The following ASAP1 variants were observed in gnomAD, a reference collection of about 807,000 sequenced individuals.
ASAP1 encodes arf-GAP with SH3 domain, ANK repeat and PH domain-containing protein 1.
ASAP1 carries 43 observed loss-of-function variants against 145.2 expected under a neutral mutation model. The observed-to-expected ratio is 0.30, with a 90% CI of 0.23 to 0.38. The LOEUF is 0.38. ASAP1 is among the 10% of genes least tolerant of loss of function. The pLI is 1.00. For missense variants in ASAP1, 1,018 were observed against 1,355.3 expected, an observed-to-expected ratio of 0.75 and a Z score of 3.91; for synonymous variants, 546 against 515.5, an observed-to-expected ratio of 1.06 and a Z score of -0.80.
chr8:130,236,041 C>T (rs1042666741), intron 4 of ASAP1, among the ~76,000 whole-genome samples: 19 of 152,068 alleles, frequency 1.2e-4, no homozygotes, highest in Non-Finnish European at 2.1e-4. Context: ...ATAACCAGCT[C>T]AAGGTCACCT....
intron 1 of ASAP1, among the ~76,000 whole-genome samples, chr8:130,438,687 A>C (rs1236209896): frequency 6.6e-6 from 1 of 152,146 alleles, no homozygotes; most frequent in Admixed American, 6.5e-5. Context: ...TTGAAAGTGA[A>C]CAATCGGGCC....
rs1326425603 is a variant in ASAP1 at position 130,358,210 on chromosome 8, G to C, written c.60-67C>G. The stretch of plus-strand genomic sequence containing the variant: ...TCACGGCGCAGGCTCCCGGGGCCGC[G>C]GGCCGCCCGGAGGCTCATGAACCCC... On this transcript the variant is annotated intron_variant, in intron 2 of 29. Transcript: ENST00000518721. This position sits in a 1 kb window ranked among gnomAD's most constrained non-coding sequence, Gnocchi z 4.1. 7.7e-6 allele frequency: 11 copies of C among 1,433,332 alleles called. No individual in the cohort carries two copies. Among genetic ancestry groups the C allele is most frequent in the African/African-American group, 2.9e-5 (2 of 70,002 alleles). 88.8% of individuals were successfully genotyped at this position (1,433,332 alleles called of 1,614,324 possible).
intron 15 of ASAP1, among the ~76,000 whole-genome samples, chr8:130,131,755 G>A (rs889217858): frequency 2.3e-4 from 35 of 152,044 alleles, no homozygotes; most frequent in African/African-American, 8.2e-4. Context: ...CTATAATCAC[G>A]CCACTGCACT....
At chr8:130,261,043 G>A (rs1194783745) in intron 3 of ASAP1, among the ~76,000 whole-genome samples, 3 of 152,068 alleles carry the variant, frequency 2.0e-5, no homozygotes, top group South Asian at 2.1e-4. Flanking sequence ...CTCAAAAAAC[G>A]TCTGTGGGGA....
chr8:130,275,293 C>T (rs1820810914), intron 3 of ASAP1, among the ~76,000 whole-genome samples: 1 of 152,188 alleles, frequency 6.6e-6, no homozygotes, highest in East Asian at 1.9e-4. Context: ...AACAAAGAAG[C>T]CTGTAATTGG....
At chr8:130,180,258 C>G (rs1586532460) in intron 8 of ASAP1, among the ~76,000 whole-genome samples, 1 of 152,302 alleles carries the variant, frequency 6.6e-6, no homozygotes, top group Admixed American at 6.5e-5. Flanking sequence ...GTTTCTAGGT[C>G]AAGAAGTGTT....
intron 5 of ASAP1, among the ~76,000 whole-genome samples, chr8:130,201,732 T>C (rs1229371961): frequency 6.6e-6 from 1 of 152,254 alleles, no homozygotes; most frequent in Non-Finnish European, 1.5e-5. Flanking sequence ...TTTGTTGTAC[T>C]TAAAATGATA....
At chr8:130,375,799 CAG>C (rs1827460194) in intron 2 of ASAP1, among the ~76,000 whole-genome samples, 1 of 152,106 alleles carries the variant, frequency 6.6e-6, no homozygotes, top group Non-Finnish European at 1.5e-5. Context: ...AATTGAGGCA[CAG>C]AGAGGTTAAA....
intron 3 of ASAP1, among the ~76,000 whole-genome samples, chr8:130,304,518 T>A (rs1213889992): frequency 6.6e-6 from 1 of 152,234 alleles, no homozygotes; most frequent in South Asian, 2.1e-4. Context: ...CCTTCACGCA[T>A]CTGCACTCCC....
At chr8:130,123,607 C>T (rs1592853759) in intron 18 of ASAP1, among the ~76,000 whole-genome samples, 2 of 152,234 alleles carry the variant, frequency 1.3e-5, no homozygotes, top group Non-Finnish European at 2.9e-5. Context: ...AACAAACAAA[C>T]AAACACTGTA....
chr8:130,331,071 T>C (rs1474108086), intron 3 of ASAP1, among the ~76,000 whole-genome samples: 3 of 151,968 alleles, frequency 2.0e-5, no homozygotes, highest in Non-Finnish European at 4.4e-5. Context: ...TAAGATTACT[T>C]CCCAAGCAGA....
intron 3 of ASAP1, among the ~76,000 whole-genome samples, chr8:130,260,377 T>G (rs1230666078): frequency 6.6e-6 from 1 of 152,218 alleles, no homozygotes; most frequent in Non-Finnish European, 1.5e-5. Flanking sequence ...TAACAATGTT[T>G]TAGCCACTTT....
Position 130,217,478 on chromosome 8 carries a change from TAC to T in ASAP1, c.260-2779_260-2778del, listed in dbSNP as rs1817001732. On this transcript the variant is annotated intron_variant, in intron 4 of 29. Coordinates refer to ENST00000518721, the MANE Select transcript of ASAP1 (RefSeq NM_018482.4). ...ATATATGTATATATACACGTATATA[TAC>T]ACACGTATATATGTATATTATATGT... is the stretch of plus-strand genomic sequence containing the variant. 2.0e-5 allele frequency among the ~76,000 whole-genome samples: 3 copies of T among 152,018 alleles called. 1 individual carries two copies. The South Asian group carries it at 6.2e-4, about 32-fold the overall frequency.
chr8:130,132,958 G>C (rs2097585381), intron 15 of ASAP1, among the ~76,000 whole-genome samples: 1 of 152,060 alleles, frequency 6.6e-6, no homozygotes, highest in South Asian at 2.1e-4. Context: ...TTGTGTGTGT[G>C]AGCAATAACA....
At chr8:130,314,552 C>G (rs1565199663) in intron 3 of ASAP1, among the ~76,000 whole-genome samples, 1 of 152,214 alleles carries the variant, frequency 6.6e-6, no homozygotes, top group Non-Finnish European at 1.5e-5. Flanking sequence ...TCAAGGATAA[C>G]AGAGTTAATA....
intron 3 of ASAP1, among the ~76,000 whole-genome samples, chr8:130,348,911 G>A (rs1023262968): frequency 1.3e-5 from 2 of 152,184 alleles, no homozygotes; most frequent in African/African-American, 2.4e-5. Context: ...AGAGAAAACA[G>A]CTCATTACCC....
chr8:130,243,696 TC>T (rs1460129521), intron 3 of ASAP1, among the ~76,000 whole-genome samples: 1 of 152,188 alleles, frequency 6.6e-6, no homozygotes, highest in Non-Finnish European at 1.5e-5. Context: ...CTTAAAACTC[TC>T]TTCGCCTAAA....
chr8:130,268,644 C>T (rs1039387054), intron 3 of ASAP1, among the ~76,000 whole-genome samples: 4 of 151,874 alleles, frequency 2.6e-5, no homozygotes, highest in African/African-American at 9.7e-5. Flanking sequence ...ATACAAGCAA[C>T]AAAAACTAAA....
At chr8:130,170,163 A>G (rs1160921854) in intron 9 of ASAP1, among the ~76,000 whole-genome samples, 1 of 150,730 alleles carries the variant, frequency 6.6e-6, no homozygotes, top group East Asian at 2.0e-4. Flanking sequence ...AGACTGAATG[A>G]AGCAATATCA....
Sources: allele counts gnomAD v4.1 joint callset (sites outside exome capture counted in the v4.1 genomes callset), GRCh38; gene constraint gnomAD v4.1.1; non-coding constraint Gnocchi (gnomAD v3.1); transcripts MANE v1.5; gene names NCBI Gene and HGNC (gene_info 2026-07-23, HGNC 2026-07-21).